ABCA13: variants seen among roughly 807,000 people sequenced by gnomAD.
The protein encoded by ABCA13 is ATP binding cassette subfamily A member 13, also known as ATP-binding cassette sub-family A member 13.
A neutral mutation model predicts 478.7 loss-of-function variants in ABCA13; 476 were observed. The ratio of observed to expected loss-of-function variants is 0.99; its 90% CI spans 0.92 to 1.07. The LOEUF (loss-of-function observed/expected upper bound fraction) is 1.07. Ranked by LOEUF, ABCA13 falls within the 50% of genes least tolerant of loss-of-function variation. The pLI is 0.00. For synonymous variants in ABCA13, 2,252 were observed against 2,158.9 expected (o/e 1.04, Z -1.20); for missense variants, 6,060 against 5,910.6 (o/e 1.03, Z -0.83).
chr7:48,423,803 T>G lies in ABCA13; in HGVS notation c.12460-3963T>G, dbSNP rs2129128247. On this transcript the variant is annotated intron_variant, in intron 41 of 61. Transcript: ENST00000435803. ...TTAGACATAATTTCATCATGTCTTATTTTATTCTTATTTACTTTGTGTGAT... is the reference window on the plus strand; with the variant it reads ...TTAGACATAATTTCATCATGTCTTAGTTTATTCTTATTTACTTTGTGTGAT... Among the ~76,000 whole-genome samples, 3 of 152,384 alleles carry G rather than the reference T, an allele frequency of 2.0e-5. No homozygotes were observed. The Middle Eastern group carries it at 0.01, about 518-fold the overall frequency.
chr7:48,575,846 G>A (rs1168008219), intron 55 of ABCA13, among the ~76,000 whole-genome samples: 3 of 152,048 alleles, frequency 2.0e-5, no homozygotes, highest in Non-Finnish European at 4.4e-5. Context: ...TTTGAGGTCA[G>A]AAAGCAAACT....
At chr7:48,384,978 A>G (rs188917226) in intron 35 of ABCA13, among the ~76,000 whole-genome samples, 1 of 152,214 alleles carries the variant, frequency 6.6e-6, no homozygotes, top group African/African-American at 2.4e-5. Context: ...TTTTGCCTTC[A>G]TTACCTCTTT....
intron 51 of ABCA13, among the ~76,000 whole-genome samples, chr7:48,513,516 T>C (rs1420342603): frequency 6.6e-6 from 1 of 152,194 alleles, no homozygotes. Flanking sequence ...ATATTTGATG[T>C]ATATTTACCG....
chr7:48,253,030 A>G (rs1183503251), intron 15 of ABCA13, among the ~76,000 whole-genome samples: 1 of 152,214 alleles, frequency 6.6e-6, no homozygotes, highest in Non-Finnish European at 1.5e-5. Context: ...TGTATTCCCT[A>G]AGCCTAAGTG....
intron 41 of ABCA13, among the ~76,000 whole-genome samples, chr7:48,417,471 A>C (rs1820176896): frequency 6.6e-6 from 1 of 152,342 alleles, no homozygotes; most frequent in Non-Finnish European, 1.5e-5. Flanking sequence ...TGTCGGGGAC[A>C]ATCTGGACAA....
intron 35 of ABCA13, among the ~76,000 whole-genome samples, chr7:48,378,536 C>T (rs567059538): frequency 1.3e-5 from 2 of 152,256 alleles, no homozygotes; most frequent in African/African-American, 4.8e-5. Context: ...CTTCTTTCAT[C>T]TCCTCCTGTC....
rs115125467 is a variant in ABCA13 at position 48,566,029 on chromosome 7, T to C, written c.14355-14195T>C. Among the ~76,000 whole-genome samples, 978 of 152,244 alleles carry C rather than the reference T, an allele frequency of 6.4e-3. 8 individuals are homozygous for C. Among genetic ancestry groups the C allele is most frequent in the African/African-American group, 0.022 (918 of 41,532 alleles). Reference sequence around the variant, plus strand: ...GAGAATCCAGCAGTTTGGAAGCAAATGAATTTAAAATACTATCTGGAAAGC... The same window carrying C: ...GAGAATCCAGCAGTTTGGAAGCAAACGAATTTAAAATACTATCTGGAAAGC... On this transcript the variant is annotated intron_variant, in intron 55 of 61. Transcript: ENST00000435803.
In ABCA13 at chr7:48,273,866, C is replaced by T; in HGVS notation, c.4200C>T (p.Val1400=). The T allele has an allele frequency of 6.2e-7, 1 of 1,612,432 alleles. No homozygotes were observed. Among genetic ancestry groups the T allele is most frequent in the Non-Finnish European group, 8.5e-7 (1 of 1,179,068 alleles). ...AAGGATGCATTGTATGGTTAGATGT[C>T]ATAAACCATTTGTATTTGTTGTCTA... ...SLKGCIVWLD[V]INHLYLLSNS... The change falls in exon 17 of 62, where the codon GTC becomes GTT. Residue 1400 remains valine (V), a synonymous_variant. Coordinates refer to ENST00000435803, the MANE Select transcript of ABCA13 (RefSeq NM_152701.5).
At chr7:48,265,436 T>C (rs1794744767) in intron 15 of ABCA13, among the ~76,000 whole-genome samples, 2 of 151,564 alleles carry the variant, frequency 1.3e-5, no homozygotes, top group Admixed American at 1.3e-4. Flanking sequence ...CCATTTATTT[T>C]GTCTTCTTTG....
intron 19 of ABCA13, among the ~76,000 whole-genome samples, chr7:48,284,666 C>T (rs1335975130): frequency 6.6e-6 from 1 of 152,174 alleles, no homozygotes; most frequent in Non-Finnish European, 1.5e-5. Context: ...TTCTGTATTG[C>T]AGCTGCTAAA....
At chr7:48,580,459 C>T (rs904660187) in intron 56 of ABCA13, 85 bp downstream of exon 56, 22 of 1,355,840 alleles carry the variant, frequency 1.6e-5, no homozygotes, top group Admixed American at 6.3e-5. Context: ...AGCTCTCTCA[C>T]CCTATGAGGA....
chr7:48,377,285 G>C (rs1252183041), intron 35 of ABCA13, among the ~76,000 whole-genome samples: 1 of 151,642 alleles, frequency 6.6e-6, no homozygotes, highest in South Asian at 2.1e-4. Context: ...TTTTGGTTCA[G>C]GCCCGAAAGA....
chr7:48,418,711 A>G (rs1196719979), intron 41 of ABCA13, among the ~76,000 whole-genome samples: 2 of 152,208 alleles, frequency 1.3e-5, no homozygotes, highest in Admixed American at 6.5e-5. Flanking sequence ...ATGAGGAATT[A>G]TCAATATTTT....
intron 58 of ABCA13, among the ~76,000 whole-genome samples, chr7:48,595,260 T>C (rs928190671): frequency 1.3e-5 from 2 of 152,202 alleles, no homozygotes; most frequent in Non-Finnish European, 2.9e-5. Flanking sequence ...GAATTAAGTT[T>C]GTAATTAGAT....
At chr7:48,546,056 A>G (rs1399619055) in intron 55 of ABCA13, among the ~76,000 whole-genome samples, 2 of 151,870 alleles carry the variant, frequency 1.3e-5, no homozygotes, top group African/African-American at 4.8e-5. Flanking sequence ...ATACTTAGGC[A>G]CTTTGTGTTG....
intron 28 of ABCA13, 78 bp from the exon 29 acceptor site, chr7:48,338,287 T>C (rs1806584395): frequency 9.3e-7 from 1 of 1,078,122 alleles, no homozygotes; most frequent in Admixed American, 3.3e-5. Flanking sequence ...AATGAAACTT[T>C]GAATAAGTCT....
At chr7:48,450,350 T>C (rs147601438) in intron 42 of ABCA13, among the ~76,000 whole-genome samples, 2,491 of 152,276 alleles carry the variant, frequency 0.016, 29 homozygotes, top group Non-Finnish European at 0.024. Context: ...TACAAGATGA[T>C]TAAGTGTTCA....
chr7:48,580,184 G>C, intron 55 of ABCA13, 40 bp from the exon 56 acceptor site: 1 of 1,537,334 alleles, frequency 6.5e-7, no homozygotes, highest in Non-Finnish European at 8.7e-7. Context: ...TGCCAGTTTG[G>C]GAAACTGCTG....
intron 48 of ABCA13, among the ~76,000 whole-genome samples, chr7:48,503,876 T>G (rs1248955095): frequency 6.6e-6 from 1 of 152,214 alleles, no homozygotes; most frequent in Non-Finnish European, 1.5e-5. Context: ...ACCCCTATAG[T>G]GTTTTCCATA....
Sources: allele counts gnomAD v4.1 joint callset (sites outside exome capture counted in the v4.1 genomes callset), GRCh38; gene constraint gnomAD v4.1.1; transcripts MANE v1.5; gene names NCBI Gene and HGNC (gene_info 2026-07-23, HGNC 2026-07-21).